ZC3H12B: variants seen among roughly 807,000 people sequenced by gnomAD.
ZC3H12B encodes probable ribonuclease ZC3H12B.
A neutral mutation model predicts 43.9 loss-of-function variants in ZC3H12B; 7 were observed. That is an observed-to-expected ratio of 0.16 (90% CI 0.09 to 0.30). The LOEUF is 0.30. ZC3H12B is among the 10% of genes least tolerant of loss of function. The pLI is 1.00. For synonymous variants in ZC3H12B, 222 were observed against 241.7 expected, an observed-to-expected ratio of 0.92 and a Z score of 0.76; for missense variants, 475 against 670.2, an observed-to-expected ratio of 0.71 and a Z score of 3.22.
At chrX:65,126,005 A>G in the ZC3H12B span, among the ~76,000 whole-genome samples, 1 of 104,261 alleles carries the variant, frequency 9.6e-6, no homozygotes, top group Non-Finnish European at 1.9e-5. Flanking sequence ...TATTCTATTA[A>G]TTGTGCTATT....
At chrX:65,452,617 G>T (rs372973996) in intron 3 of ZC3H12B, among the ~76,000 whole-genome samples, 1 of 111,645 alleles carries the variant, frequency 9.0e-6, no homozygotes, top group African/African-American at 3.3e-5. Context: ...GAGGTGGGTG[G>T]ATCAACTGAG....
chrX:65,213,094 T>G, the ZC3H12B span, among the ~76,000 whole-genome samples: 2 of 109,616 alleles, frequency 1.8e-5, no homozygotes, highest in Admixed American at 1.0e-4. Flanking sequence ...TACTGTATTC[T>G]TATGTGTGAA....
intron 3 of ZC3H12B, chrX:65,469,265 C>T: frequency 3.9e-6 from 1 of 254,197 alleles, no homozygotes; most frequent in Middle Eastern, 5.1e-4. Context: ...TCACCATCAA[C>T]AACGCTGTGT....
the ZC3H12B span, among the ~76,000 whole-genome samples, chrX:65,292,157 A>G: frequency 8.9e-6 from 1 of 112,114 alleles, no homozygotes; most frequent in South Asian, 3.7e-4. Context: ...GGACTACCAA[A>G]TCAGTCGGTT....
chrX:65,184,341 TAC>T, the ZC3H12B span, among the ~76,000 whole-genome samples: 1 of 111,470 alleles, frequency 9.0e-6, no homozygotes, highest in Non-Finnish European at 1.9e-5. Context: ...TGTTATATTT[TAC>T]AGAGTCCTTT....
At chrX:65,373,962 GTATATATAGTATATATATATACTATA>G (rs2066295453) in intron 2 of ZC3H12B, among the ~76,000 whole-genome samples, 1 of 6,357 alleles carries the variant, frequency 1.6e-4, no homozygotes, top group African/African-American at 1.9e-4. Flanking sequence ...TATATATACT[GTATATATAGTATATATATATACTATA>G]TATATATAGT....
chrX:65,099,605 A>G, the ZC3H12B span, among the ~76,000 whole-genome samples: 1 of 111,323 alleles, frequency 9.0e-6, no homozygotes, highest in African/African-American at 3.3e-5. Context: ...GTTGCCCTCC[A>G]GCATACTGCA....
chrX:65,452,807 T>C (rs1012285642), intron 3 of ZC3H12B, among the ~76,000 whole-genome samples: 4 of 104,487 alleles, frequency 3.8e-5, no homozygotes, highest in Non-Finnish European at 7.7e-5. Flanking sequence ...TGCCATTGCA[T>C]TCCAGCCTGG....
the ZC3H12B span, among the ~76,000 whole-genome samples, chrX:65,239,993 A>G: frequency 2.7e-5 from 3 of 110,596 alleles, no homozygotes; most frequent in Admixed American, 9.6e-5. Context: ...CATTTCTCTC[A>G]CTTCCCTTAA....
chrX:65,362,582 C>A (rs1050695806), upstream of ZC3H12B, among the ~76,000 whole-genome samples: 2 of 110,209 alleles, frequency 1.8e-5, no homozygotes, highest in African/African-American at 6.6e-5. Flanking sequence ...CATATCCCCC[C>A]ACCTTAACCC....
the ZC3H12B span, among the ~76,000 whole-genome samples, chrX:65,310,109 T>A: frequency 1.8e-5 from 2 of 111,929 alleles, no homozygotes; most frequent in Non-Finnish European, 3.8e-5. Flanking sequence ...ATGCCCTCTC[T>A]CACCACTCCT....
chrX:65,491,981 G>T (rs1451199972), intron 1 of ZC3H12B, among the ~76,000 whole-genome samples: 1 of 110,362 alleles, frequency 9.1e-6, no homozygotes, highest in Non-Finnish European at 1.9e-5. Context: ...AAGGCCAAAG[G>T]TGTCTCTGCT....
chrX:65,354,905 A>T, the ZC3H12B span, among the ~76,000 whole-genome samples: 5 of 111,866 alleles, frequency 4.5e-5, no homozygotes, highest in East Asian at 1.4e-3. Context: ...TGAAGACAAG[A>T]TTAGAGAAAA....
chrX:65,050,700 T>C, the ZC3H12B span, among the ~76,000 whole-genome samples: 3 of 111,845 alleles, frequency 2.7e-5, no homozygotes, highest in Admixed American at 1.9e-4. Context: ...TATTCTTCAC[T>C]TTCTTAATGT....
chrX:65,274,803 G>T, the ZC3H12B span, among the ~76,000 whole-genome samples: 9,086 of 110,863 alleles, frequency 0.082, 1,022 homozygotes, highest in African/African-American at 0.29. Flanking sequence ...AGTCCTACAG[G>T]TTACCTCTTG....
At chrX:65,186,884 G>T in the ZC3H12B span, among the ~76,000 whole-genome samples, 69 of 112,058 alleles carry the variant, frequency 6.2e-4, no homozygotes, top group African/African-American at 2.2e-3. Flanking sequence ...ATATTGCTGA[G>T]TAGTATTCCA....
the ZC3H12B span, among the ~76,000 whole-genome samples, chrX:65,127,914 C>T: frequency 1.8e-5 from 2 of 111,464 alleles, no homozygotes. Flanking sequence ...TTCCAGGCAG[C>T]CAGCTACCAA....
intron 3 of ZC3H12B, among the ~76,000 whole-genome samples, chrX:65,461,610 C>G (rs752273845): frequency 9.0e-6 from 1 of 111,640 alleles, no homozygotes; most frequent in South Asian, 3.7e-4. Context: ...GGACAAAAAA[C>G]CAAACACCAA....
At chrX:65,468,650 ATTTTT>A (rs60716703) in intron 3 of ZC3H12B, among the ~76,000 whole-genome samples, 2 of 74,938 alleles carry the variant, frequency 2.7e-5, no homozygotes, top group African/African-American at 1.2e-4. Context: ...TGCCCGGCTA[ATTTTT>A]TTTTTTTTTT....
Sources: allele counts gnomAD v4.1 joint callset (sites outside exome capture counted in the v4.1 genomes callset), GRCh38; gene constraint gnomAD v4.1.1; transcripts MANE v1.5; gene names NCBI Gene and HGNC (gene_info 2026-07-23, HGNC 2026-07-21).